Variants in DPH6 observed in about 807,000 individuals in gnomAD.
DPH6 encodes diphthamine biosynthesis 6.
DPH6 carries 33 observed loss-of-function variants against 38.2 expected under a neutral mutation model. The ratio of observed to expected loss-of-function variants is 0.86; its 90% CI spans 0.65 to 1.15. The LOEUF (loss-of-function observed/expected upper bound fraction) is 1.15, where lower values mean the gene tolerates loss of function less well. Ranked by LOEUF, DPH6 falls within the 50% of genes most tolerant of loss-of-function variation. The probability of loss-of-function intolerance (pLI) is 0.00; values close to 1 mark genes in which losing one functional copy is unlikely to be tolerated. For synonymous variants in DPH6, 108 were observed against 103.0 expected, an observed-to-expected ratio of 1.05 and a Z score of -0.30; for missense variants, 325 against 320.0, an observed-to-expected ratio of 1.02 and a Z score of -0.12.
At chr15:35,293,200 C>T (rs956320172) in intron 3 of DPH6, among the ~76,000 whole-genome samples, 1 of 152,050 alleles carries the variant, frequency 6.6e-6, no homozygotes, top group Non-Finnish European at 1.5e-5. Context: ...ATAAAACATG[C>T]TAGTTTTAAT....
intron 3 of DPH6, chr15:35,299,154 T>G (rs1566862980): frequency 7.7e-7 from 1 of 1,290,736 alleles, no homozygotes; most frequent in Non-Finnish European, 1.1e-6. Context: ...ATCATATTCG[T>G]CAGCTAAGGG....
rs370292803 is a variant in DPH6, at chr15:35,436,390, A to T, written c.505+14295T>A. On this transcript the variant is annotated intron_variant, in intron 5 of 8. Coordinates refer to ENST00000256538, the MANE Select transcript of DPH6 (RefSeq NM_080650.4). ...CTGAGGCAGGAGAATGGCGTGAACC[A>T]GGGAGGCGGAGCTTGCAATGAGCCG... 4.0e-5 allele frequency among the ~76,000 whole-genome samples: 6 copies of T among 151,852 alleles called. No individual in the cohort carries two copies. In the South Asian group the frequency reaches 6.3e-4, roughly 16 times the overall value.
chr15:35,450,725 T>A lies in DPH6; in HGVS notation c.465A>T (p.Ser155=). ...TGATGATCATTGCTTGAATGTTAGATGATATCATCTCTCTGAGCAAATCTT... is the reference window on the plus strand; with the variant it reads ...TGATGATCATTGCTTGAATGTTAGAAGATATCATCTCTCTGAGCAAATCTT... ...NQEDLLREMI[S]SNIQAMIIKV... Residue 155 remains serine, a synonymous_variant, in exon 5 of 9, where the codon TCA becomes TCT. Transcript: ENST00000256538. 6.2e-7 allele frequency: 1 copy of A among 1,613,448 alleles called. No homozygotes were observed. The highest frequency in any genetic ancestry group is 8.5e-7 in the Non-Finnish European group (1 of 1,179,712).
At chr15:35,327,643 AAAC>A (rs542725139), downstream of DPH6, among the ~76,000 whole-genome samples, 307 of 152,284 alleles carry the variant, frequency 2.0e-3, no homozygotes, top group African/African-American at 7.0e-3. Flanking sequence ...AAGGTTCTTT[AAAC>A]AATAGCAAGT....
intron 7 of DPH6, among the ~76,000 whole-genome samples, chr15:35,378,028 C>T (rs111503118): frequency 1.8e-4 from 27 of 152,074 alleles, no homozygotes; most frequent in Middle Eastern, 3.4e-3. Flanking sequence ...AGCCACTGCA[C>T]CTGGCATAAT....
At chr15:35,438,170 G>C (rs1248258749) in intron 5 of DPH6, among the ~76,000 whole-genome samples, 1 of 152,056 alleles carries the variant, frequency 6.6e-6, no homozygotes, top group Non-Finnish European at 1.5e-5. Flanking sequence ...CGTTTTTCTG[G>C]AAAAAGTTTT....
At chr15:35,487,460 G>C (rs2054419475) in intron 3 of DPH6, among the ~76,000 whole-genome samples, 1 of 152,244 alleles carries the variant, frequency 6.6e-6, no homozygotes, top group Non-Finnish European at 1.5e-5. Context: ...ACACCATGTG[G>C]AAGCCACCAA....
chr15:35,514,530 T>C (rs2141222852), intron 3 of DPH6, among the ~76,000 whole-genome samples: 2 of 152,240 alleles, frequency 1.3e-5, no homozygotes, highest in South Asian at 2.1e-4. Context: ...AAAGAGGAAA[T>C]AGTTTCTGAT....
At chr15:35,315,118 CACG>C (rs1375587523) in intron 3 of DPH6, among the ~76,000 whole-genome samples, 38 of 152,292 alleles carry the variant, frequency 2.5e-4, no homozygotes, top group African/African-American at 8.7e-4. Flanking sequence ...CCCAGTTCTT[CACG>C]ACAACACCTG....
At chr15:35,446,325 G>A (rs1339975711) in intron 5 of DPH6, among the ~76,000 whole-genome samples, 1 of 150,206 alleles carries the variant, frequency 6.7e-6, no homozygotes, top group Non-Finnish European at 1.5e-5. Flanking sequence ...TGACTTCCCA[G>A]GCTCAAGTGA....
chr15:35,353,875 T>C (rs1435359421), intron 3 of DPH6, among the ~76,000 whole-genome samples: 1 of 152,208 alleles, frequency 6.6e-6, no homozygotes, highest in Non-Finnish European at 1.5e-5. Flanking sequence ...TTGGGCAGTA[T>C]AGCCATTTTC....
At chr15:35,451,559 CACAATGCAGAATGTGATCAT>C (rs1278500856) in intron 4 of DPH6, among the ~76,000 whole-genome samples, 1 of 152,124 alleles carries the variant, frequency 6.6e-6, no homozygotes, top group African/African-American at 2.4e-5. Context: ...TCCAATCTAC[CACAATGCAGAATGTGATCAT>C]TCCTCACTAA....
chr15:35,437,661 T>G (rs937744679), intron 5 of DPH6, among the ~76,000 whole-genome samples: 1 of 152,174 alleles, frequency 6.6e-6, no homozygotes, highest in African/African-American at 2.4e-5. Context: ...CATGTCACTC[T>G]GCATGGTTCT....
intron 3 of DPH6, among the ~76,000 whole-genome samples, chr15:35,341,557 T>A (rs1272081085): frequency 1.3e-5 from 2 of 152,158 alleles, no homozygotes; most frequent in African/African-American, 4.8e-5. Flanking sequence ...TTTTATTGGG[T>A]CTTTTTTGTT....
At chr15:35,473,957 T>TGTGTGTGTGTGTGA in intron 3 of DPH6, among the ~76,000 whole-genome samples, 1 of 38,544 alleles carries the variant, frequency 2.6e-5, no homozygotes, top group South Asian at 2.3e-3. Flanking sequence ...TGTGTGTGTG[T>TGTGTGTGTGTGTGA]GCGCGCGCGC....
chr15:35,465,094 T>G (rs1183204314), intron 3 of DPH6, among the ~76,000 whole-genome samples: 1 of 152,184 alleles, frequency 6.6e-6, no homozygotes, highest in Non-Finnish European at 1.5e-5. Context: ...CAAGGTAAAT[T>G]GAAAACAAGT....
chr15:35,345,434 T>C (rs1415826916), intron 3 of DPH6, among the ~76,000 whole-genome samples: 2 of 151,896 alleles, frequency 1.3e-5, no homozygotes, highest in African/African-American at 2.4e-5. Context: ...TAAACTCAAA[T>C]GAAAAGCTTT....
intron 3 of DPH6, among the ~76,000 whole-genome samples, chr15:35,230,962 G>T (rs183364735): frequency 6.6e-6 from 1 of 152,338 alleles, no homozygotes; most frequent in East Asian, 1.9e-4. Flanking sequence ...GAGCTGTGCA[G>T]CCTGGGTTTA....
chr15:35,216,212 C>A (rs904911400), downstream of DPH6, among the ~76,000 whole-genome samples: 1 of 152,158 alleles, frequency 6.6e-6, no homozygotes, highest in African/African-American at 2.4e-5. Context: ...TGTGAAATGA[C>A]AATTATGCTG....
Sources: allele counts gnomAD v4.1 joint callset (sites outside exome capture counted in the v4.1 genomes callset), GRCh38; gene constraint gnomAD v4.1.1; transcripts MANE v1.5; gene names NCBI Gene and HGNC (gene_info 2026-07-23, HGNC 2026-07-21).